RORA: variants seen among roughly 807,000 people sequenced by gnomAD.
RORA encodes RAR related orphan receptor A.
Under a neutral mutation model 69.5 loss-of-function variants are expected in RORA, and 7 were observed. The ratio of observed to expected loss-of-function variants is 0.10; its 90% CI spans 0.06 to 0.19. RORA has a LOEUF of 0.19. Among genes scored for constraint, RORA ranks in the 10% least tolerant of loss-of-function variants. The pLI is 1.00. For synonymous variants in RORA, 261 were observed against 240.8 expected, an observed-to-expected ratio of 1.08 and a Z score of -0.78; for missense variants, 457 against 663.0, an observed-to-expected ratio of 0.69 and a Z score of 3.41.
At chr15:60,750,547 C>T (rs769338375) in intron 1 of RORA, among the ~76,000 whole-genome samples, 1 of 152,152 alleles carries the variant, frequency 6.6e-6, no homozygotes, top group Non-Finnish European at 1.5e-5. Context: ...CCTCAGTGAG[C>T]GTTCTGTCCA....
At chr15:61,000,614 T>C (rs1894714452) in intron 1 of RORA, among the ~76,000 whole-genome samples, 1 of 152,174 alleles carries the variant, frequency 6.6e-6, no homozygotes, top group African/African-American at 2.4e-5. Flanking sequence ...GCTGCTAACC[T>C]GACGGAAAAT....
intron 1 of RORA, among the ~76,000 whole-genome samples, chr15:60,916,983 C>T (rs1196362447): frequency 6.6e-6 from 1 of 152,182 alleles, no homozygotes; most frequent in African/African-American, 2.4e-5. Flanking sequence ...GGAAATTCCC[C>T]ATCGCACTGG....
At position 61,034,391 on chromosome 15, in the gene RORA, T is replaced by C. The variant is rs77117883; in HGVS notation, c.166+194662A>G. Among the ~76,000 whole-genome samples the C allele has an allele frequency of 2.0e-3, 300 of 152,336 alleles. 1 individual carries two copies. The highest frequency in any genetic ancestry group is 6.8e-3 in the African/African-American group (281 of 41,584). ...TGCTTGAGTCAGTCTATATAGAGGC[T>C]ATTCCTGGATCTTAGTTGAAAGCTG... On this transcript the variant is annotated intron_variant, in intron 1 of 10. Coordinates refer to ENST00000335670, the MANE Select transcript of RORA (RefSeq NM_134261.3).
intron 1 of RORA, among the ~76,000 whole-genome samples, chr15:60,917,583 C>T (rs1405714654): frequency 6.6e-6 from 1 of 152,188 alleles, no homozygotes; most frequent in Non-Finnish European, 1.5e-5. Flanking sequence ...GCAGCTCTAT[C>T]TGGGAGAAAG....
chr15:61,150,996 T>C (rs1400604372), intron 1 of RORA, among the ~76,000 whole-genome samples: 2 of 152,228 alleles, frequency 1.3e-5, no homozygotes, highest in Non-Finnish European at 1.5e-5. Flanking sequence ...AATACAGGTA[T>C]TGGAACTTCA....
chr15:61,019,613 G>A (rs1450987657), intron 1 of RORA, among the ~76,000 whole-genome samples: 1 of 152,002 alleles, frequency 6.6e-6, no homozygotes, highest in Admixed American at 6.6e-5. Context: ...GTGAAGGGGG[G>A]GAAACCTGTC....
intron 1 of RORA, among the ~76,000 whole-genome samples, chr15:61,164,485 C>T (rs1293917096): frequency 6.6e-6 from 1 of 152,176 alleles, no homozygotes; most frequent in Non-Finnish European, 1.5e-5. Context: ...TTGCCGTATA[C>T]AGGTCCTGCT....
At chr15:61,081,677 G>T (rs531768651) in intron 1 of RORA, among the ~76,000 whole-genome samples, 1 of 151,806 alleles carries the variant, frequency 6.6e-6, no homozygotes, top group African/African-American at 2.4e-5. Flanking sequence ...GTGTGGTGGC[G>T]GGCGCCTGTA....
At chr15:60,607,192 A>G (rs891309110) in intron 2 of RORA, among the ~76,000 whole-genome samples, 2 of 152,228 alleles carry the variant, frequency 1.3e-5, no homozygotes, top group Non-Finnish European at 2.9e-5. Context: ...AGGGGCAAAG[A>G]GCCAACCACA....
intron 1 of RORA, among the ~76,000 whole-genome samples, chr15:60,983,758 G>A (rs926223688): frequency 1.3e-5 from 2 of 152,110 alleles, no homozygotes; most frequent in African/African-American, 2.4e-5. Flanking sequence ...CTAAATAAAC[G>A]AATGAATACA....
At chr15:60,559,969 G>A (rs1198699767) in intron 2 of RORA, among the ~76,000 whole-genome samples, 4 of 152,154 alleles carry the variant, frequency 2.6e-5, no homozygotes, top group South Asian at 2.1e-4. Context: ...ATATAGTTGC[G>A]TTTTCTTAAG....
chr15:60,584,186 C>A (rs967918157), intron 2 of RORA, among the ~76,000 whole-genome samples: 10 of 152,282 alleles, frequency 6.6e-5, no homozygotes, highest in African/African-American at 1.9e-4. Context: ...TACATGCCTT[C>A]GTGGGCCTCA....
chr15:60,982,161 G>T (rs940102253), intron 1 of RORA, among the ~76,000 whole-genome samples: 1 of 152,146 alleles, frequency 6.6e-6, no homozygotes, highest in African/African-American at 2.4e-5. Flanking sequence ...ATTGTGTGTG[G>T]GGGTGGGAGG....
At chr15:60,903,094 A>G (rs1298400221) in intron 1 of RORA, among the ~76,000 whole-genome samples, 2 of 152,312 alleles carry the variant, frequency 1.3e-5, no homozygotes, top group South Asian at 2.1e-4. Flanking sequence ...GGCTGAGTCT[A>G]TTAGCTCAGA....
chr15:61,143,884 C>G (rs28790914), intron 1 of RORA, among the ~76,000 whole-genome samples: 6,089 of 152,066 alleles, frequency 0.04, 420 homozygotes, highest in African/African-American at 0.14. Context: ...GAACAAAAAC[C>G]AAATGCTATC....
chr15:60,797,310 T>C (rs557560754), intron 1 of RORA, among the ~76,000 whole-genome samples: 196 of 152,142 alleles, frequency 1.3e-3, no homozygotes, highest in Non-Finnish European at 1.7e-3. Flanking sequence ...AAGATAGCCA[T>C]ACATAGGTGG....
chr15:61,217,354 TAACA>T (rs2080049713), intron 1 of RORA, among the ~76,000 whole-genome samples: 1 of 152,088 alleles, frequency 6.6e-6, no homozygotes, highest in African/African-American at 2.4e-5. Flanking sequence ...CTGACTGCTG[TAACA>T]AACAGGAGTC....
intron 1 of RORA, among the ~76,000 whole-genome samples, chr15:60,944,694 C>CAAAAAAAAAA (rs58523588): frequency 3.1e-5 from 3 of 96,436 alleles, no homozygotes; most frequent in Non-Finnish European, 6.2e-5. Context: ...CACTGTACTC[C>CAAAAAAAAAA]AAAAAAAAAA....
chr15:60,794,419 A>G (rs190547228), intron 1 of RORA, among the ~76,000 whole-genome samples: 1 of 151,544 alleles, frequency 6.6e-6, no homozygotes, highest in Non-Finnish European at 1.5e-5. Context: ...GTGTTTTCAA[A>G]TGGCTTTTAG....
Sources: allele counts gnomAD v4.1 joint callset (sites outside exome capture counted in the v4.1 genomes callset), GRCh38; gene constraint gnomAD v4.1.1; transcripts MANE v1.5; gene names NCBI Gene and HGNC (gene_info 2026-07-23, HGNC 2026-07-21).